Variants in CSDE1 observed in about 807,000 individuals in gnomAD.
CSDE1 encodes the protein cold shock domain-containing protein E1.
CSDE1 carries 17 observed loss-of-function variants against 89.3 expected under a neutral mutation model. That is an observed-to-expected ratio of 0.19 (90% CI 0.13 to 0.29). The LOEUF is 0.29. Ranked by LOEUF, CSDE1 falls within the 10% of genes least tolerant of loss-of-function variation. CSDE1 has a pLI of 1.00. For synonymous variants in CSDE1, 322 were observed against 332.8 expected, an observed-to-expected ratio of 0.97 and a Z score of 0.35; for missense variants, 672 against 984.2, an observed-to-expected ratio of 0.68 and a Z score of 4.24.
intron 14 of CSDE1, among the ~76,000 whole-genome samples, 161 bp downstream of exon 14, chr1:114,726,050 G>A (rs1420317932): frequency 6.6e-6 from 1 of 152,178 alleles, no homozygotes; most frequent in Non-Finnish European, 1.5e-5. Context: ...TCTGTATATA[G>A]TAAGATCAGT....
In CSDE1 at chr1:114,726,996, TGAG is replaced by T. The variant is rs745372505; in HGVS notation, c.1448_1450del (p.Pro483del). 4.4e-6 allele frequency: 7 copies of T among 1,606,556 alleles called. No homozygotes were observed. Among genetic ancestry groups the T allele is most frequent in the African/African-American group, 2.7e-5 (2 of 74,788 alleles). On this transcript the variant is annotated inframe_deletion, in exon 13 of 20. Coordinates refer to ENST00000358528, the MANE Select transcript of CSDE1 (RefSeq NM_001007553.3). Reference sequence around the variant, plus strand: ...GAATTATCTTGCCTTATCTCCTATTTGAGGAGAAGTAGATCCTTCCACATCCTT... The same window carrying T: ...GAATTATCTTGCCTTATCTCCTATTTGAGAAGTAGATCCTTCCACATCCTT...
At chr1:114,730,721 T>C (rs1278005362) in intron 10 of CSDE1, 73 bp from the exon 11 acceptor site, 5 of 1,550,988 alleles carry the variant, frequency 3.2e-6, no homozygotes, top group Non-Finnish European at 4.4e-6. Flanking sequence ...ACAACCACCA[T>C]CAAGTTAAAT....
At chr1:114,731,828 T>G (rs1428914286) in intron 10 of CSDE1, among the ~76,000 whole-genome samples, 2 of 152,174 alleles carry the variant, frequency 1.3e-5, no homozygotes, top group Non-Finnish European at 2.9e-5. Context: ...TTTGCAATTA[T>G]TTTTTTGAGA....
At chr1:114,735,145 G>C (rs539463924) in intron 6 of CSDE1, among the ~76,000 whole-genome samples, 1 of 152,182 alleles carries the variant, frequency 6.6e-6, no homozygotes, top group East Asian at 1.9e-4. Flanking sequence ...AAACAAGTTA[G>C]AGACACCACA....
At chr1:114,731,224 CT>C (rs1660081433) in intron 10 of CSDE1, among the ~76,000 whole-genome samples, 1 of 151,568 alleles carries the variant, frequency 6.6e-6, no homozygotes, top group Non-Finnish European at 1.5e-5. Flanking sequence ...AATTATCAAT[CT>C]GCTATTGTAT....
intron 17 of CSDE1, 116 bp downstream of exon 17, chr1:114,720,423 T>C (rs1659451521): frequency 2.0e-6 from 2 of 1,008,454 alleles, no homozygotes; most frequent in Non-Finnish European, 2.8e-6. Context: ...AAAGGTGAAG[T>C]AGAAATAAAA....
chr1:114,739,664 T>A, intron 3 of CSDE1, 28 bp downstream of exon 3: 1 of 1,577,626 alleles, frequency 6.3e-7, no homozygotes, highest in Non-Finnish European at 8.7e-7. Context: ...TGTGATTACA[T>A]TTTTACAAAG....
chr1:114,738,125 T>A, intron 3 of CSDE1, 53 bp from the exon 4 acceptor site: 1 of 1,336,606 alleles, frequency 7.5e-7, no homozygotes, highest in Non-Finnish European at 1.1e-6. Flanking sequence ...CGAAACGATA[T>A]ATTGCTTCCA....
intron 12 of CSDE1, 68 bp downstream of exon 12, chr1:114,730,190 A>G (rs1660025297): frequency 6.5e-7 from 1 of 1,529,076 alleles, no homozygotes; most frequent in Admixed American, 1.9e-5. Flanking sequence ...GTACTCTATT[A>G]CTATGTGCTG....
chr1:114,744,540 C>T (rs1660909658), intron 2 of CSDE1, among the ~76,000 whole-genome samples: 1 of 152,068 alleles, frequency 6.6e-6, no homozygotes, highest in Non-Finnish European at 1.5e-5. Context: ...CGTACTCCAG[C>T]CTGGGTGACA....
In CSDE1 at chr1:114,723,715, C is replaced by A. The variant is rs184828702; in HGVS notation, c.1873+168G>T. 1.3e-4 allele frequency among the ~76,000 whole-genome samples: 20 copies of A among 152,262 alleles called. No individual in the cohort carries two copies. In the East Asian group the frequency reaches 3.7e-3, roughly 28 times the overall value. ...TCACTATTTAAACCCAGACTGACCTCATTTTCAAGGGGTATAAAAATAAAA... is the reference window on the plus strand; with the variant it reads ...TCACTATTTAAACCCAGACTGACCTAATTTTCAAGGGGTATAAAAATAAAA... On this transcript the variant is annotated intron_variant, in intron 16 of 19. Transcript: ENST00000358528.
intron 2 of CSDE1, among the ~76,000 whole-genome samples, chr1:114,749,127 G>A (rs181224509): frequency 6.6e-6 from 1 of 152,222 alleles, no homozygotes; most frequent in African/African-American, 2.4e-5. Context: ...CTCTTAACAA[G>A]GTACTACTCA....
Position 114,730,369 on chromosome 1 carries a change from C to T in CSDE1, c.1245G>A (p.Lys415=). ...NHAIRIKKLP[K]GTVSFHSHSD... ...AATGGGAATGAAATGAAACCGTGCC[C>T]TTGGGAAGTTTTTTAATCCTAATAG... Residue 415 remains lysine (K), a synonymous_variant, in exon 12 of 20, where the codon AAG becomes AAA. Coordinates refer to ENST00000358528, the MANE Select transcript of CSDE1 (RefSeq NM_001007553.3). 1 of 1,614,136 alleles carries T rather than the reference C, an allele frequency of 6.2e-7. No homozygotes were observed. Among genetic ancestry groups the T allele is most frequent in the Non-Finnish European group, 8.5e-7 (1 of 1,180,020 alleles).
chr1:114,724,032 A>G lies in CSDE1; in HGVS notation c.1754-30T>C, dbSNP rs772366661. The stretch of plus-strand genomic sequence containing the variant: ...AAAACAAAGGCAGGTACATCTTTCA[A>G]TTTTATTTCATCTCTACTACATAGA... On this transcript the variant is annotated intron_variant, in intron 15 of 19. Coordinates refer to ENST00000358528, the MANE Select transcript of CSDE1 (RefSeq NM_001007553.3). 24 of 1,601,286 alleles carry G rather than the reference A, an allele frequency of 1.5e-5. No individual in the cohort carries two copies. In the South Asian group the frequency reaches 2.3e-4, roughly 16 times the overall value.
chr1:114,740,978 T>C (rs1229990973), intron 2 of CSDE1, among the ~76,000 whole-genome samples: 2 of 152,112 alleles, frequency 1.3e-5, no homozygotes, highest in Non-Finnish European at 2.9e-5. Flanking sequence ...AAAGTTTGAG[T>C]CAACGATATG....
chr1:114,751,215 AATTT>A (rs1434862650), intron 1 of CSDE1, among the ~76,000 whole-genome samples: 13 of 152,214 alleles, frequency 8.5e-5, no homozygotes, highest in Admixed American at 2.0e-4. Context: ...AGAGAAATAA[AATTT>A]ATTTATCAGT....
chr1:114,733,544 A>AC (rs1421320391), intron 9 of CSDE1, among the ~76,000 whole-genome samples, 188 bp downstream of exon 9: 4 of 151,980 alleles, frequency 2.6e-5, no homozygotes, highest in African/African-American at 4.8e-5. Flanking sequence ...AAAAAAAAAA[A>AC]AAAAACACCA....
At chr1:114,747,007 T>G (rs992962798) in intron 2 of CSDE1, 3 of 152,224 alleles carry the variant, frequency 2.0e-5, no homozygotes, top group Non-Finnish European at 4.4e-5. Flanking sequence ...TGCTTTGCTA[T>G]GTTTCAAGTA....
intron 17 of CSDE1, 130 bp downstream of exon 17, chr1:114,720,409 G>GA: frequency 2.3e-6 from 2 of 876,202 alleles, no homozygotes; most frequent in South Asian, 4.4e-5. Context: ...TCAAATGACT[G>GA]AAAAAAGGTG....
Sources: gnomAD v4.1 joint callset for allele counts (sites outside exome capture counted in the v4.1 genomes callset) on GRCh38, gnomAD v4.1.1 for gene constraint, MANE v1.5 for transcripts, NCBI Gene and HGNC (gene_info 2026-07-23, HGNC 2026-07-21) for gene names.